The following EEFSEC variants were observed in gnomAD, a reference collection of about 807,000 sequenced individuals.
EEFSEC encodes eukaryotic elongation factor, selenocysteine-tRNA specific, also known as selenocysteine-specific elongation factor.
Under a neutral mutation model 42.1 loss-of-function variants are expected in EEFSEC, and 43 were observed. The ratio of observed to expected loss-of-function variants is 1.02; its 90% CI spans 0.80 to 1.32. The LOEUF (loss-of-function observed/expected upper bound fraction) is 1.32, where lower values mean the gene tolerates loss of function less well. Among genes scored for constraint, EEFSEC ranks in the 40% most tolerant of loss-of-function variants. The pLI, the probability that EEFSEC is intolerant of heterozygous loss-of-function variation, is 0.00. For synonymous variants in EEFSEC, 354 were observed against 339.1 expected (o/e 1.04, Z -0.48); for missense variants, 745 against 803.6 (o/e 0.93, Z 0.88).
intron 6 of EEFSEC, among the ~76,000 whole-genome samples, chr3:128,405,872 T>C (rs2068103476): frequency 6.6e-6 from 1 of 152,208 alleles, no homozygotes. Context: ...TTTGTGCACA[T>C]GGGGAGGGGA....
At chr3:128,256,003 C>G (rs2066238363) in intron 2 of EEFSEC, among the ~76,000 whole-genome samples, 1 of 151,948 alleles carries the variant, frequency 6.6e-6, no homozygotes, top group Non-Finnish European at 1.5e-5. Context: ...AGGGGATGGC[C>G]TAGGGTCTGA....
At chr3:128,287,223 G>A (rs568099930) in intron 4 of EEFSEC, among the ~76,000 whole-genome samples, 10 of 152,316 alleles carry the variant, frequency 6.6e-5, no homozygotes, top group South Asian at 6.2e-4. Context: ...GTCTTGAAGC[G>A]TGAAGCCCTT....
At chr3:128,230,971 C>A (rs2065954000) in intron 1 of EEFSEC, among the ~76,000 whole-genome samples, 1 of 152,130 alleles carries the variant, frequency 6.6e-6, no homozygotes, top group African/African-American at 2.4e-5. Context: ...GCCGGTGGAA[C>A]TAATTTATGT....
chr3:128,323,850 G>T (rs1019482291), intron 4 of EEFSEC, among the ~76,000 whole-genome samples: 1 of 152,234 alleles, frequency 6.6e-6, no homozygotes, highest in Non-Finnish European at 1.5e-5. Flanking sequence ...CTGTGTTGGA[G>T]CAGCCTGGTG....
chr3:128,242,944 A>G (rs1338087187), intron 1 of EEFSEC, among the ~76,000 whole-genome samples: 1 of 152,226 alleles, frequency 6.6e-6, no homozygotes. Context: ...GGAATTGGGA[A>G]GGACACTGTT....
In EEFSEC at chr3:128,244,985, G is replaced by C. The variant is rs1412521158; in HGVS notation, c.317-1851G>C. On this transcript the variant is annotated intron_variant, in intron 1 of 6. Transcript: ENST00000254730. Reference sequence around the variant, plus strand: ...ATTTTCAACCTGTCCCCTGCTGATGGACATTTACCTAGTTTCCAGCATTAG... The same window carrying C: ...ATTTTCAACCTGTCCCCTGCTGATGCACATTTACCTAGTTTCCAGCATTAG... Among the ~76,000 whole-genome samples, 3 of 152,186 alleles carry C rather than the reference G, an allele frequency of 2.0e-5. No individual in the cohort carries two copies. The East Asian group carries it at 5.8e-4, about 29-fold the overall frequency.
At chr3:128,243,441 A>G (rs1260854807) in intron 1 of EEFSEC, among the ~76,000 whole-genome samples, 1 of 152,256 alleles carries the variant, frequency 6.6e-6, no homozygotes, top group Non-Finnish European at 1.5e-5. Flanking sequence ...ATAGTTGTGT[A>G]TACCAATAGG....
At chr3:128,252,958 AC>A (rs147483530) in intron 2 of EEFSEC, among the ~76,000 whole-genome samples, 1,637 of 152,122 alleles carry the variant, frequency 0.011, 35 homozygotes, top group African/African-American at 0.037. Flanking sequence ...GTACTCCTAG[AC>A]CCCAGACACC....
intron 4 of EEFSEC, among the ~76,000 whole-genome samples, chr3:128,283,387 G>C (rs1158814689): frequency 6.6e-6 from 1 of 152,238 alleles, no homozygotes; most frequent in Non-Finnish European, 1.5e-5. Context: ...GCTTCCACAA[G>C]TGAAAAGTCA....
At chr3:128,384,451 G>C (rs1222277169) in intron 6 of EEFSEC, among the ~76,000 whole-genome samples, 2 of 152,246 alleles carry the variant, frequency 1.3e-5, no homozygotes, top group Non-Finnish European at 2.9e-5. Flanking sequence ...GACCAGAGCA[G>C]AGTGAGTGTG....
intron 4 of EEFSEC, among the ~76,000 whole-genome samples, chr3:128,315,105 G>A (rs890047841): frequency 2.0e-5 from 3 of 152,174 alleles, no homozygotes; most frequent in East Asian, 3.8e-4. Context: ...TGTGAAGCCA[G>A]ACTTATCAAT....
intron 1 of EEFSEC, among the ~76,000 whole-genome samples, chr3:128,207,694 T>A (rs2065713479): frequency 6.6e-6 from 1 of 152,096 alleles, no homozygotes; most frequent in Non-Finnish European, 1.5e-5. Context: ...GAACACAGGG[T>A]GCTATCTGAC....
chr3:128,361,412 A>G (rs2067524249), intron 6 of EEFSEC, among the ~76,000 whole-genome samples: 1 of 152,182 alleles, frequency 6.6e-6, no homozygotes, highest in African/African-American at 2.4e-5. Flanking sequence ...ATATCTCCTG[A>G]TTAAAAACTA....
chr3:128,295,094 T>C (rs1449724422), intron 4 of EEFSEC, among the ~76,000 whole-genome samples: 2 of 152,202 alleles, frequency 1.3e-5, no homozygotes, highest in African/African-American at 4.8e-5. Flanking sequence ...TGAGGGGAAT[T>C]GTTTCATTTG....
intron 1 of EEFSEC, among the ~76,000 whole-genome samples, chr3:128,159,132 T>TC (rs1944432793): frequency 2.0e-5 from 3 of 152,236 alleles, no homozygotes; most frequent in Non-Finnish European, 4.4e-5. Flanking sequence ...GAGAAGGTGT[T>TC]CCCCATTGAG....
intron 6 of EEFSEC, among the ~76,000 whole-genome samples, chr3:128,381,006 G>A (rs142248634): frequency 1.3e-5 from 2 of 152,354 alleles, no homozygotes; most frequent in African/African-American, 2.4e-5. Flanking sequence ...TTTCTTGGAG[G>A]CCTAGGATCA....
chr3:128,383,461 C>T (rs36019570), intron 6 of EEFSEC, among the ~76,000 whole-genome samples: 1,701 of 152,336 alleles, frequency 0.011, 12 homozygotes, highest in Middle Eastern at 0.051. Flanking sequence ...GGCCTTACAC[C>T]AAACCTGTTC....
intron 5 of EEFSEC, among the ~76,000 whole-genome samples, chr3:128,342,423 A>G (rs1438375932): frequency 6.6e-6 from 1 of 152,118 alleles, no homozygotes; most frequent in Non-Finnish European, 1.5e-5. Flanking sequence ...GAAGGGGCTA[A>G]TGGTGGCCAG....
chr3:128,246,901 G>A lies in EEFSEC; in HGVS notation c.382G>A (p.Ala128Thr). ...DVTKGMQTQS[A>T]ECLVIGQIAC... ...GACCAAGGGGATGCAGACCCAGTCA[G>A]CGGAATGCCTTGTGATCGGCCAGAT... The change falls in exon 2 of 7, where the codon GCG (alanine) becomes ACG (threonine). Residue 128 changes from alanine to threonine, a missense_variant. Coordinates refer to ENST00000254730, the MANE Select transcript of EEFSEC (RefSeq NM_021937.5). The A allele has an allele frequency of 1.2e-6, 2 of 1,614,216 alleles. No homozygotes were observed. The highest frequency in any genetic ancestry group is 8.5e-7 in the Non-Finnish European group (1 of 1,180,028).
Sources: allele counts gnomAD v4.1 joint callset (sites outside exome capture counted in the v4.1 genomes callset), GRCh38; gene constraint gnomAD v4.1.1; transcripts MANE v1.5; gene names NCBI Gene and HGNC (gene_info 2026-07-23, HGNC 2026-07-21).